The following CD9 variants were observed in gnomAD, a reference collection of about 807,000 sequenced individuals.
The protein encoded by CD9 is CD9 antigen.
Under a neutral mutation model 31.4 loss-of-function variants are expected in CD9, and 10 were observed. The ratio of observed to expected loss-of-function variants is 0.32; its 90% CI spans 0.20 to 0.54. The LOEUF is 0.54. Ranked by LOEUF, CD9 falls within the 20% of genes least tolerant of loss-of-function variation. CD9 has a pLI of 0.94. For missense variants in CD9, 259 were observed against 300.1 expected, an observed-to-expected ratio of 0.86 and a Z score of 1.01; for synonymous variants, 113 against 114.1, an observed-to-expected ratio of 0.99 and a Z score of 0.06.
In CD9 at chr12:6,232,816, T is replaced by C. The variant is rs957983116; in HGVS notation, c.273+87T>C. The stretch of plus-strand genomic sequence containing the variant: ...GCCCAGACCCAGACCACAGAACAGA[T>C]GGAGGGGGATGGGGTCAGGAAGGTA... On this transcript the variant is annotated intron_variant, in intron 3 of 7. Coordinates refer to ENST00000009180, the MANE Select transcript of CD9 (RefSeq NM_001769.4). The surrounding 1 kb of genome is among the most constrained non-coding windows in gnomAD (Gnocchi z 4.8). 3.4e-6 allele frequency: 3 copies of C among 881,014 alleles called. No individual in the cohort carries two copies. The Admixed American group carries it at 6.1e-5, about 18-fold the overall frequency. 54.6% of individuals were successfully genotyped at this position (881,014 alleles called of 1,614,324 possible).
chr12:6,228,099 A>C (rs1021110779), intron 2 of CD9, among the ~76,000 whole-genome samples: 12 of 152,252 alleles, frequency 7.9e-5, no homozygotes, highest in African/African-American at 2.9e-4. Flanking sequence ...TCTAAGGGCC[A>C]CTGTCCACTT....
rs748035981 is a variant in CD9 at position 6,232,735 on chromosome 12, TATCCCCTCGGC to T, written c.273+13_273+23del. 9.1e-6 allele frequency: 14 copies of T among 1,538,584 alleles called. No homozygotes were observed. The highest frequency in any genetic ancestry group is 1.4e-5 in the African/African-American group (1 of 73,136). On this transcript the variant is annotated splice_region_variant and intron_variant, in intron 3 of 7. Coordinates refer to ENST00000009180, the MANE Select transcript of CD9 (RefSeq NM_001769.4). This position sits in a 1 kb window ranked among gnomAD's most constrained non-coding sequence, Gnocchi z 4.8. The stretch of plus-strand genomic sequence containing the variant: ...CCCAGTGCATGCTGGGACTGGTGAG[TATCCCCTCGGC>T]ATCCCCACAGCCACCCTGACTCCCA...
At chr12:6,204,142 C>T (rs1946104269) in intron 1 of CD9, among the ~76,000 whole-genome samples, 1 of 152,160 alleles carries the variant, frequency 6.6e-6, no homozygotes, top group South Asian at 2.1e-4. Context: ...TGCTCTAAGC[C>T]TCAGTTTCCT....
At chr12:6,233,551 G>A (rs1168109019) in intron 4 of CD9, 65 bp downstream of exon 4, 5 of 1,204,592 alleles carry the variant, frequency 4.2e-6, no homozygotes, top group Non-Finnish European at 6.2e-6. Context: ...TGAAGCAGGG[G>A]GCAAGTCCTG....
intron 1 of CD9, among the ~76,000 whole-genome samples, chr12:6,215,758 T>C (rs1358017123): frequency 1.3e-5 from 2 of 152,204 alleles, no homozygotes; most frequent in African/African-American, 2.4e-5. Context: ...AACTTGGCTG[T>C]AGTAAAACTA....
intron 2 of CD9, among the ~76,000 whole-genome samples, chr12:6,229,711 GTCC>G (rs11568256): frequency 6.6e-6 from 1 of 152,130 alleles, no homozygotes; most frequent in Middle Eastern, 3.4e-3. Flanking sequence ...AGCCTGCTGT[GTCC>G]TCTCCCTGGG....
chr12:6,204,129 C>T (rs902496899), intron 1 of CD9, among the ~76,000 whole-genome samples: 2 of 152,226 alleles, frequency 1.3e-5, no homozygotes, highest in Non-Finnish European at 2.9e-5. Flanking sequence ...TTGGTCACTT[C>T]TGTGCTCTAA....
At chr12:6,208,900 G>A (rs966398247) in intron 1 of CD9, among the ~76,000 whole-genome samples, 5 of 151,992 alleles carry the variant, frequency 3.3e-5, no homozygotes, top group African/African-American at 1.2e-4. Flanking sequence ...ATAATACAGT[G>A]TACTGATTTA....
chr12:6,226,469 C>T (rs949181389), intron 2 of CD9: 5 of 152,164 alleles, frequency 3.3e-5, no homozygotes, highest in African/African-American at 1.2e-4. Context: ...TTCCCACCCA[C>T]CAAAAAAGTT....
At position 6,232,376 on chromosome 12, in the gene CD9, C is replaced by T; in HGVS notation, c.176-256C>T. The stretch of plus-strand genomic sequence containing the variant: ...GGATTGAGGGCTAATGGGCACCTTC[C>T]AGAAGGGCTGAGGGTAAGGTAGGAG... On this transcript the variant is annotated intron_variant, in intron 2 of 7. Transcript: ENST00000009180. This position sits in a 1 kb window ranked among gnomAD's most constrained non-coding sequence, Gnocchi z 4.8. 1.8e-6 allele frequency: 1 copy of T among 563,512 alleles called. No individual in the cohort carries two copies. Among genetic ancestry groups the T allele is most frequent in the East Asian group, 3.1e-5 (1 of 32,460 alleles). The allele number at this position is 563,512 out of a possible 1,614,324, so 34.9% of individuals were successfully genotyped here.
intron 1 of CD9, among the ~76,000 whole-genome samples, chr12:6,220,191 A>T (rs1307633767): frequency 6.6e-6 from 1 of 152,020 alleles, no homozygotes; most frequent in Admixed American, 6.6e-5. Flanking sequence ...GAATGGGAGG[A>T]AATGGGTGGG....
chr12:6,200,206 C>T (rs1000997597), upstream of CD9: 3 of 138,374 alleles, frequency 2.2e-5, no homozygotes, highest in African/African-American at 2.9e-5. Context: ...CTCCGCGGGG[C>T]AGCTGGGGCC....
At chr12:6,218,128 G>A (rs1317792179) in intron 1 of CD9, among the ~76,000 whole-genome samples, 1 of 152,080 alleles carries the variant, frequency 6.6e-6, no homozygotes, top group Non-Finnish European at 1.5e-5. Flanking sequence ...TCAGGAGGCT[G>A]AGGTGGGAGG....
At chr12:6,207,190 C>A (rs766173331) in intron 1 of CD9, among the ~76,000 whole-genome samples, 4 of 152,154 alleles carry the variant, frequency 2.6e-5, no homozygotes, top group Non-Finnish European at 4.4e-5. Flanking sequence ...CCTGAGCTCA[C>A]GCTATAAATG....
intron 1 of CD9, among the ~76,000 whole-genome samples, chr12:6,217,283 A>T (rs1371568975): frequency 1.3e-5 from 2 of 152,122 alleles, no homozygotes; most frequent in Non-Finnish European, 2.9e-5. Context: ...AAGCTTTGGG[A>T]GGCCAAGGTG....
chr12:6,214,751 G>A (rs562927196), intron 1 of CD9, among the ~76,000 whole-genome samples: 50 of 152,202 alleles, frequency 3.3e-4, no homozygotes, highest in African/African-American at 9.9e-4. Context: ...GAGCACAGCC[G>A]GCTGCAGAAT....
chr12:6,200,256 G>C (rs868772160), upstream of CD9: 1,779 of 200,646 alleles, frequency 8.9e-3, 44 homozygotes, highest in African/African-American at 0.042. Flanking sequence ...GGCGGGGGGG[G>C]TGCGGCCCGG....
At chr12:6,237,324 G>A (rs761869939) in intron 7 of CD9, among the ~76,000 whole-genome samples, 4 of 152,068 alleles carry the variant, frequency 2.6e-5, no homozygotes, top group Non-Finnish European at 4.4e-5. Flanking sequence ...TTGGGAGGCC[G>A]AGGCAGGCGG....
In CD9 at chr12:6,238,045, T is replaced by A; in HGVS notation, c.*217T>A. The A allele has an allele frequency of 2.2e-6, 1 of 454,968 alleles. No individual in the cohort carries two copies. Among genetic ancestry groups the A allele is most frequent in the Non-Finnish European group, 4.0e-6 (1 of 250,742 alleles). The allele number at this position is 454,968 out of a possible 1,614,324, so 28.2% of individuals were successfully genotyped here. ...TTGTAGTTGAGCGGGGGGTTTGGTT[T>A]GCTTTGGTTTATATTTTTTCAGTTG... On this transcript the variant is annotated 3_prime_UTR_variant, in exon 8 of 8. Transcript: ENST00000009180.
Sources: allele counts gnomAD v4.1 joint callset (sites outside exome capture counted in the v4.1 genomes callset), GRCh38; gene constraint gnomAD v4.1.1; non-coding constraint Gnocchi (gnomAD v3.1); transcripts MANE v1.5; gene names NCBI Gene and HGNC (gene_info 2026-07-23, HGNC 2026-07-21).